The following CMPK2 variants were observed in gnomAD, a reference collection of about 807,000 sequenced individuals.
The protein encoded by CMPK2 is cytidine/uridine monophosphate kinase 2, also known as UMP-CMP kinase 2, mitochondrial.
A neutral mutation model predicts 33.4 loss-of-function variants in CMPK2; 32 were observed. The ratio of observed to expected loss-of-function variants is 0.96; its 90% CI spans 0.72 to 1.29. The LOEUF (loss-of-function observed/expected upper bound fraction) is 1.29, where lower values mean the gene tolerates loss of function less well. CMPK2 is among the 50% of genes most tolerant of loss of function. CMPK2 has a pLI of 0.00. For missense variants in CMPK2, 672 were observed against 616.0 expected, an observed-to-expected ratio of 1.09 and a Z score of -0.96; for synonymous variants, 299 against 275.3, an observed-to-expected ratio of 1.09 and a Z score of -0.85.
rs764995155 is a variant in CMPK2, at chr2:6,851,686, G to A, written c.993-3C>T. The A allele has an allele frequency of 3.1e-6, 5 of 1,613,610 alleles. No homozygotes were observed. In the South Asian group the frequency reaches 5.5e-5, roughly 18 times the overall value. ...AGGTGGCCGTGCTGTGCCAGTACCT[G>A]AGAAGGAATGGGGTAGTGAGTTCTC... On this transcript the variant is annotated splice_polypyrimidine_tract_variant and splice_region_variant and intron_variant, in intron 3 of 4. Coordinates refer to ENST00000256722, the MANE Select transcript of CMPK2 (RefSeq NM_207315.4).
Position 6,865,362 on chromosome 2 carries a change from A to C in CMPK2, c.335T>G (p.Leu112Arg), listed in dbSNP as rs2103230757. The change falls in exon 1 of 5, where the codon CTG (leucine) becomes CGG (arginine). Residue 112 changes from leucine (L) to arginine (R), a missense_variant. Leu to Arg is a moderately radical substitution (Grantham distance 102). Coordinates refer to ENST00000256722, the MANE Select transcript of CMPK2 (RefSeq NM_207315.4). ...CGGGCAGTAGCAGAGCAGCCTGAGC[A>C]GCTGGCACCGCTGGAAGGGGCCGCG... ...LRRGPFQRCQ[L>R]LRLLCYCPGG... is the part of the protein sequence containing the mutation. The C allele has an allele frequency of 2.1e-6, 3 of 1,422,468 alleles. No individual in the cohort carries two copies. In the South Asian group the frequency reaches 4.4e-5, roughly 21 times the overall value. 88.1% of individuals were successfully genotyped at this position (1,422,468 alleles called of 1,614,324 possible).
upstream of CMPK2, chr2:6,865,966 G>A: frequency 2.8e-6 from 3 of 1,088,256 alleles, no homozygotes; most frequent in Non-Finnish European, 3.7e-6. Flanking sequence ...CCAGGTGCGC[G>A]GCTCCGCGGG....
rs201663837 is a variant in CMPK2, at chr2:6,865,221, G to A, written c.476C>T (p.Pro159Leu). 1,469 of 1,535,344 alleles carry A rather than the reference G, an allele frequency of 9.6e-4. 1 individual carries two copies. The highest frequency in any genetic ancestry group is 1.2e-3 in the Non-Finnish European group (1,425 of 1,146,694). Residue 159 changes from proline to leucine, a missense_variant, in exon 1 of 5, where the codon CCG (proline) becomes CTG (leucine). Coordinates refer to ENST00000256722, the MANE Select transcript of CMPK2 (RefSeq NM_207315.4). Reference sequence around the variant, plus strand: ...GTCGGCCTCGAACTCGCCCAAGTGCGGGCGTGGTGCCTCCTGACAGGCGCC... The same window carrying A: ...GTCGGCCTCGAACTCGCCCAAGTGCAGGCGTGGTGCCTCCTGACAGGCGCC... Reference protein sequence around the residue: ...LLGACQEAPRPHLGEFEADPR... With the variant: ...LLGACQEAPRLHLGEFEADPR...
chr2:6,863,414 A>G lies in CMPK2; in HGVS notation c.790+50T>C, dbSNP rs765732132. 10 of 1,490,658 alleles carry G rather than the reference A, an allele frequency of 6.7e-6. No individual in the cohort carries two copies. The South Asian group carries it at 9.1e-5, about 14-fold the overall frequency. 92.3% of individuals were successfully genotyped at this position (1,490,658 alleles called of 1,614,324 possible). On this transcript the variant is annotated intron_variant, in intron 2 of 4. Transcript: ENST00000256722. ...TGCAGGAAGTATTTCTGTTTCTGCA[A>G]CTAATCAGTTAGTGTCATTGCCTAT...
chr2:6,861,496 A>G lies in CMPK2; in HGVS notation c.791-111T>C, dbSNP rs535171598. 5 of 756,716 alleles carry G rather than the reference A, an allele frequency of 6.6e-6. No homozygotes were observed. The Admixed American group carries it at 1.3e-4, about 19-fold the overall frequency. The allele number at this position is 756,716 out of a possible 1,614,324, so 46.9% of individuals were successfully genotyped here. A position where few individuals can be genotyped will look rare whatever the true frequency, so the allele number is the denominator to read the frequency against. On this transcript the variant is annotated intron_variant, in intron 2 of 4. Coordinates refer to ENST00000256722, the MANE Select transcript of CMPK2 (RefSeq NM_207315.4). ...ACTGCAAATGAAATGAGTAGACTAA[A>G]TAACAGGATTCTTTATAAAAAGCTG...
Position 6,853,194 on chromosome 2 carries a change from C to A in CMPK2, c.993-1511G>T, listed in dbSNP as rs190476589. ...CAAACTCCTGACCTCAGGTGATCCA[C>A]CCGCCTTGGCCTCTCAAAGTGCTGG... On this transcript the variant is annotated intron_variant, in intron 3 of 4. Transcript: ENST00000256722. Among the ~76,000 whole-genome samples, 815 of 152,300 alleles carry A rather than the reference C, an allele frequency of 5.4e-3. 15 individuals carry two copies. Among genetic ancestry groups the A allele is most frequent in the Admixed American group, 0.031 (478 of 15,304 alleles).
At chr2:6,862,389 A>G (rs1662908512) in intron 2 of CMPK2, among the ~76,000 whole-genome samples, 1 of 152,208 alleles carries the variant, frequency 6.6e-6, no homozygotes, top group Non-Finnish European at 1.5e-5. Context: ...TGCAGGATGC[A>G]AATGCAGGGC....
Position 6,865,311 on chromosome 2 carries a change from T to G in CMPK2, c.386A>C (p.Gln129Pro), listed in dbSNP as rs1013096137. The G allele has an allele frequency of 2.8e-5, 43 of 1,509,494 alleles. No homozygotes were observed. Among genetic ancestry groups the G allele is most frequent in the Non-Finnish European group, 3.8e-5 (43 of 1,137,006 alleles). 93.5% of individuals were successfully genotyped at this position (1,509,494 alleles called of 1,614,324 possible). Residue 129 changes from glutamine to proline, a missense_variant, in exon 1 of 5, where the codon CAA becomes CCA. By Grantham distance (76) the Gln-to-Pro change is moderately conservative (BLOSUM62 -1). Transcript: ENST00000256722. Reference protein sequence around the residue: ...CPGGQAGGAQQGFLLRDPLDD... With the variant: ...CPGGQAGGAQPGFLLRDPLDD... ...CAGGGGGTCGCGCAGCAGGAAGCCTTGCTGTGCGCCGCCGGCCTGGCCGCC... is the reference window on the plus strand; with the variant it reads ...CAGGGGGTCGCGCAGCAGGAAGCCTGGCTGTGCGCCGCCGGCCTGGCCGCC...
chr2:6,847,352 A>G (rs1558320321), downstream of CMPK2, among the ~76,000 whole-genome samples: 2 of 152,182 alleles, frequency 1.3e-5, no homozygotes, highest in Admixed American at 6.5e-5. Flanking sequence ...GGAGAAAAAA[A>G]CTTTTTCCTG....
chr2:6,863,939 T>G (rs1662966956), intron 1 of CMPK2, among the ~76,000 whole-genome samples: 1 of 152,196 alleles, frequency 6.6e-6, no homozygotes, highest in South Asian at 2.1e-4. Flanking sequence ...GGAAATCAGC[T>G]GCACAGTGGG....
In CMPK2 at chr2:6,865,574, G is replaced by A; in HGVS notation, c.123C>T (p.Thr41=). ...RRFVLELPDC[T]LAHFALGADA... is the part of the protein sequence containing the mutation. ...CGGCGCCTAGGGCGAAGTGAGCCAG[G>A]GTGCAGTCGGGAAGCTCCAGGACGA... The change falls in exon 1 of 5, where the codon ACC becomes ACT. Residue 41 remains threonine (T), a synonymous_variant. Coordinates refer to ENST00000256722, the MANE Select transcript of CMPK2 (RefSeq NM_207315.4). 2.2e-6 allele frequency: 3 copies of A among 1,370,902 alleles called. No individual in the cohort carries two copies. Among genetic ancestry groups the A allele is most frequent in the Non-Finnish European group, 2.8e-6 (3 of 1,061,814 alleles). 84.9% of individuals were successfully genotyped at this position (1,370,902 alleles called of 1,614,324 possible). A position where few individuals can be genotyped will look rare whatever the true frequency, so the allele number is the denominator to read the frequency against.
rs924391164 is a variant in CMPK2, at chr2:6,865,270, G to A, written c.427C>T (p.Arg143Trp). 1.3e-6 allele frequency: 2 copies of A among 1,535,078 alleles called. No individual in the cohort carries two copies. The highest frequency in any genetic ancestry group is 1.4e-5 in the African/African-American group (1 of 70,392). ...LRDPLDDPDT[R>W]QALLELLGAC... is the part of the protein sequence containing the mutation. The stretch of plus-strand genomic sequence containing the variant: ...CCCAGCAGCTCGAGCAGCGCTTGCC[G>A]GGTGTCAGGGTCATCCAGGGGGTCG... The change falls in exon 1 of 5, where the codon CGG (arginine) becomes TGG (tryptophan). Residue 143 changes from arginine to tryptophan, a missense_variant. Coordinates refer to ENST00000256722, the MANE Select transcript of CMPK2 (RefSeq NM_207315.4).
rs1261175589 is a variant in CMPK2 at position 6,865,448 on chromosome 2, G to A, written c.249C>T (p.Ala83=). 8.6e-6 allele frequency: 11 copies of A among 1,279,270 alleles called. No individual in the cohort carries two copies. The East Asian group carries it at 2.6e-4, about 30-fold the overall frequency. The allele number at this position is 1,279,270 out of a possible 1,614,324, so 79.2% of individuals were successfully genotyped here. A position where few individuals can be genotyped will look rare whatever the true frequency, so the allele number is the denominator to read the frequency against. The change falls in exon 1 of 5, where the codon GCC becomes GCT. Residue 83 remains alanine, a synonymous_variant. Transcript: ENST00000256722. ...YSLCVPVTPD[A]GCGARVRAAR... ...CCGCCCGGACCCGGGCCCCGCAGCC[G>A]GCGTCCGGGGTCACGGGCACGCACA...
chr2:6,848,604 A>G lies in CMPK2; in HGVS notation c.*1246T>C. 1.0e-6 allele frequency: 1 copy of G among 962,548 alleles called. No individual in the cohort carries two copies. The highest frequency in any genetic ancestry group is 1.2e-6 in the Non-Finnish European group (1 of 808,898). 59.6% of individuals were successfully genotyped at this position (962,548 alleles called of 1,614,324 possible). A position where few individuals can be genotyped will look rare whatever the true frequency, so the allele number is the denominator to read the frequency against. On this transcript the variant is annotated 3_prime_UTR_variant, in exon 5 of 5. Transcript: ENST00000256722. Reference sequence around the variant, plus strand: ...ACATGAAACTTTATTAGAATTTAAGATTCTATATGCAGACCTGATAAAGCC... The same window carrying G: ...ACATGAAACTTTATTAGAATTTAAGGTTCTATATGCAGACCTGATAAAGCC...
At chr2:6,850,477 C>T (rs1662484244) in intron 4 of CMPK2, among the ~76,000 whole-genome samples, 1 of 152,130 alleles carries the variant, frequency 6.6e-6, no homozygotes, top group Non-Finnish European at 1.5e-5. Flanking sequence ...GTGACTAGTG[C>T]CTGTTTCTTT....
chr2:6,842,483 C>T (rs1008760294), intron 3 of CMPK2, among the ~76,000 whole-genome samples: 1 of 152,190 alleles, frequency 6.6e-6, no homozygotes, highest in African/African-American at 2.4e-5. Context: ...GCAAGCTGGC[C>T]ATCCTTTAGC....
At chr2:6,857,312 T>A (rs1029127216) in intron 3 of CMPK2, among the ~76,000 whole-genome samples, 6 of 150,988 alleles carry the variant, frequency 4.0e-5, no homozygotes, top group Admixed American at 3.9e-4. Flanking sequence ...TTTTTGTTTT[T>A]TGTTTTATTG....
downstream of CMPK2, among the ~76,000 whole-genome samples, chr2:6,845,121 G>A (rs1662326507): frequency 6.6e-6 from 1 of 152,142 alleles, no homozygotes; most frequent in African/African-American, 2.4e-5. Context: ...GGCAAAGAAA[G>A]CTTGTATATA....
rs1268995845 is a variant in CMPK2 at position 6,865,314 on chromosome 2, T to C, written c.383A>G (p.Gln128Arg). 5 of 1,506,994 alleles carry C rather than the reference T, an allele frequency of 3.3e-6. No homozygotes were observed. The highest frequency in any genetic ancestry group is 4.4e-6 in the Non-Finnish European group (5 of 1,135,784). The allele number at this position is 1,506,994 out of a possible 1,614,324, so 93.4% of individuals were successfully genotyped here. The stretch of plus-strand genomic sequence containing the variant: ...GGGGTCGCGCAGCAGGAAGCCTTGC[T>C]GTGCGCCGCCGGCCTGGCCGCCCGG... ...YCPGGQAGGA[Q>R]QGFLLRDPLD... The change falls in exon 1 of 5, where the codon CAG (glutamine) becomes CGG (arginine). Residue 128 changes from glutamine (Q) to arginine (R), a missense_variant. Coordinates refer to ENST00000256722, the MANE Select transcript of CMPK2 (RefSeq NM_207315.4).
Sources: allele counts gnomAD v4.1 joint callset (sites outside exome capture counted in the v4.1 genomes callset), GRCh38; gene constraint gnomAD v4.1.1; transcripts MANE v1.5; gene names NCBI Gene and HGNC (gene_info 2026-07-23, HGNC 2026-07-21).